ERI1: variants seen among roughly 807,000 people sequenced by gnomAD.
The protein encoded by ERI1 is exoribonuclease 1, also known as 3'-5' exoribonuclease 1.
Under a neutral mutation model 39.7 loss-of-function variants are expected in ERI1, and 39 were observed. The observed-to-expected ratio is 0.98, with a 90% confidence interval of 0.76 to 1.28. The LOEUF is 1.28. ERI1 is among the 50% of genes most tolerant of loss of function. The pLI is 0.00. For synonymous variants in ERI1, 204 were observed against 149.6 expected (o/e 1.36, Z -2.65); for missense variants, 581 against 416.9 (o/e 1.39, Z -3.43).
chr8:9,011,122 C>G (rs545650953), intron 2 of ERI1, among the ~76,000 whole-genome samples: 33 of 152,124 alleles, frequency 2.2e-4, no homozygotes, highest in Admixed American at 1.8e-3. Context: ...TTCAACTTAA[C>G]CCAAATTTTT....
At chr8:9,022,589 G>A (rs889171405) in intron 6 of ERI1, among the ~76,000 whole-genome samples, 13 of 152,030 alleles carry the variant, frequency 8.6e-5, no homozygotes, top group African/African-American at 1.9e-4. Flanking sequence ...CAGTAGAGAC[G>A]GGGTTTCGCC....
intron 2 of ERI1, among the ~76,000 whole-genome samples, chr8:9,009,741 T>G (rs1816464966): frequency 1.3e-5 from 2 of 152,142 alleles, no homozygotes; most frequent in African/African-American, 4.8e-5. Context: ...GGTTTCTCCA[T>G]GTTGCCCAGG....
At chr8:9,025,683 T>A (rs967616345) in intron 6 of ERI1, among the ~76,000 whole-genome samples, 2 of 147,984 alleles carry the variant, frequency 1.4e-5, no homozygotes, top group Non-Finnish European at 3.0e-5. Context: ...CTAGGACTTT[T>A]CATTTTAATC....
At chr8:9,038,078 A>G (rs1797908146), downstream of ERI1, among the ~76,000 whole-genome samples, 1 of 152,228 alleles carries the variant, frequency 6.6e-6, no homozygotes, top group African/African-American at 2.4e-5. Flanking sequence ...CTAAGTTCAT[A>G]GTATAAATAT....
chr8:9,056,253 T>G (rs1042372524), intron 3 of ERI1, among the ~76,000 whole-genome samples: 2 of 152,228 alleles, frequency 1.3e-5, no homozygotes, highest in Non-Finnish European at 2.9e-5. Flanking sequence ...GATGGGGCAC[T>G]CCCTGAAGTC....
intron 3 of ERI1, among the ~76,000 whole-genome samples, chr8:9,073,396 G>A (rs553699540): frequency 3.9e-5 from 6 of 152,302 alleles, no homozygotes; most frequent in South Asian, 2.1e-4. Context: ...AAGGGTAAGC[G>A]TGAGAGAAGA....
intron 3 of ERI1, among the ~76,000 whole-genome samples, chr8:9,085,790 G>A (rs1189964254): frequency 1.3e-5 from 2 of 152,220 alleles, no homozygotes; most frequent in East Asian, 1.9e-4. Flanking sequence ...ACAAAGTATA[G>A]CTGTTGGGAT....
chr8:9,075,763 T>G (rs73520712), intron 3 of ERI1, among the ~76,000 whole-genome samples: 2 of 152,200 alleles, frequency 1.3e-5, no homozygotes, highest in Admixed American at 1.3e-4. Context: ...CTATTAGGTT[T>G]ACTATTACAG....
chr8:9,021,952 T>C (rs1034862218), intron 6 of ERI1, among the ~76,000 whole-genome samples: 4 of 152,088 alleles, frequency 2.6e-5, no homozygotes, highest in Admixed American at 2.6e-4. Flanking sequence ...AGAGTACTTT[T>C]ATAAGCATTG....
chr8:9,085,068 T>C (rs1799483596), intron 3 of ERI1, among the ~76,000 whole-genome samples: 1 of 152,170 alleles, frequency 6.6e-6, no homozygotes, highest in South Asian at 2.1e-4. Context: ...CAAGACCTCA[T>C]GAATCAGAAA....
chr8:9,052,791 G>T (rs144754008), intron 3 of ERI1, among the ~76,000 whole-genome samples: 5 of 152,286 alleles, frequency 3.3e-5, no homozygotes, highest in Admixed American at 1.3e-4. Flanking sequence ...TCGAATGTCT[G>T]TTGTTATACA....
At chr8:9,004,914 C>A (rs918147535) in intron 1 of ERI1, among the ~76,000 whole-genome samples, 2 of 152,074 alleles carry the variant, frequency 1.3e-5, no homozygotes, top group East Asian at 3.9e-4. Flanking sequence ...TCTGGAACTC[C>A]TGACCTCAGG....
At chr8:9,027,192 A>G (rs1032675174) in intron 6 of ERI1, among the ~76,000 whole-genome samples, 2 of 141,412 alleles carry the variant, frequency 1.4e-5, no homozygotes, top group Admixed American at 7.0e-5. Flanking sequence ...TGGCCATTCT[A>G]ATGGGTGTGA....
At chr8:9,004,586 G>GCC (rs200501503) in intron 1 of ERI1, among the ~76,000 whole-genome samples, 2,587 of 148,424 alleles carry the variant, frequency 0.017, 64 homozygotes, top group South Asian at 0.092. Context: ...GATCACCTGA[G>GCC]CCCATGGGTG....
intron 3 of ERI1, among the ~76,000 whole-genome samples, chr8:9,057,118 C>A (rs1798533456): frequency 6.6e-6 from 1 of 151,902 alleles, no homozygotes; most frequent in Admixed American, 6.6e-5. Flanking sequence ...CAGGCCTGAG[C>A]CACCACACCG....
At chr8:9,054,128 T>G (rs113518686) in intron 3 of ERI1, among the ~76,000 whole-genome samples, 4 of 152,178 alleles carry the variant, frequency 2.6e-5, no homozygotes, top group Non-Finnish European at 5.9e-5. Context: ...TCTTTTACCA[T>G]GGAAAAGCAA....
intron 3 of ERI1, among the ~76,000 whole-genome samples, chr8:9,067,258 G>A (rs993289231): frequency 2.0e-5 from 3 of 152,022 alleles, no homozygotes; most frequent in African/African-American, 7.3e-5. Flanking sequence ...TCCTGTATCA[G>A]CCTGAAATCT....
chr8:9,090,660 C>T (rs1261404332), intron 3 of ERI1, among the ~76,000 whole-genome samples: 2 of 152,124 alleles, frequency 1.3e-5, no homozygotes. Flanking sequence ...TCTCTGGGGT[C>T]CTCCTCTATA....
chr8:9,023,756 G>T (rs922327486), intron 6 of ERI1, among the ~76,000 whole-genome samples: 2 of 144,636 alleles, frequency 1.4e-5, no homozygotes, highest in Non-Finnish European at 3.0e-5. Flanking sequence ...ATATTATATG[G>T]TATGTCTAAA....
Sources: gnomAD v4.1 joint callset for allele counts (sites outside exome capture counted in the v4.1 genomes callset) on GRCh38, gnomAD v4.1.1 for gene constraint, MANE v1.5 for transcripts, NCBI Gene and HGNC (gene_info 2026-07-23, HGNC 2026-07-21) for gene names.